FHIT: variants seen among roughly 807,000 people sequenced by gnomAD.
FHIT encodes the protein fragile histidine triad diadenosine triphosphatase.
In FHIT, 19 loss-of-function variants were observed where a neutral mutation model predicts 17.9. That is an observed-to-expected ratio of 1.06 (90% CI 0.74 to 1.56). The LOEUF is 1.56. Ranked by LOEUF, FHIT falls within the 40% of genes most tolerant of loss-of-function variation. The pLI is 0.00. For synonymous variants in FHIT, 81 were observed against 69.7 expected (o/e 1.16, Z -0.81); for missense variants, 248 against 189.2 (o/e 1.31, Z -1.82).
intron 3 of FHIT, among the ~76,000 whole-genome samples, chr3:60,873,487 C>T (rs782450715): frequency 1.3e-5 from 2 of 152,162 alleles, no homozygotes; most frequent in African/African-American, 2.4e-5. Context: ...TTTGTGTGTT[C>T]TCCCGACAAA....
chr3:60,406,755 G>T (rs570220908), intron 5 of FHIT, among the ~76,000 whole-genome samples: 3 of 152,156 alleles, frequency 2.0e-5, no homozygotes, highest in African/African-American at 7.2e-5. Context: ...TGAATTTTTG[G>T]TAATAGTATC....
At chr3:60,158,811 G>A (rs1274003279) in intron 5 of FHIT, among the ~76,000 whole-genome samples, 1 of 152,050 alleles carries the variant, frequency 6.6e-6, no homozygotes, top group African/African-American at 2.4e-5. Flanking sequence ...AGCACCCTAT[G>A]CAGAATGAAT....
At chr3:60,465,038 A>G (rs777094126) in intron 5 of FHIT, among the ~76,000 whole-genome samples, 16 of 152,032 alleles carry the variant, frequency 1.1e-4, no homozygotes, top group Non-Finnish European at 1.5e-5. Context: ...TGTCTTTTGC[A>G]TATCTTTTCA....
intron 4 of FHIT, among the ~76,000 whole-genome samples, chr3:60,806,978 A>C: frequency 6.6e-6 from 1 of 152,312 alleles, no homozygotes; most frequent in South Asian, 2.1e-4. Flanking sequence ...CACCTCCACC[A>C]TGACTTACCA....
intron 5 of FHIT, among the ~76,000 whole-genome samples, chr3:60,200,406 T>C (rs1371770470): frequency 6.6e-6 from 1 of 152,184 alleles, no homozygotes; most frequent in East Asian, 1.9e-4. Flanking sequence ...CTACAATTTC[T>C]AGTGGGTCAC....
chr3:60,090,157 G>A (rs752880830), intron 5 of FHIT, among the ~76,000 whole-genome samples: 17 of 151,858 alleles, frequency 1.1e-4, no homozygotes, highest in Non-Finnish European at 2.4e-4. Flanking sequence ...GTACATCAAT[G>A]GTCTACATGA....
At chr3:60,280,537 C>G (rs1227810565) in intron 5 of FHIT, among the ~76,000 whole-genome samples, 1 of 152,020 alleles carries the variant, frequency 6.6e-6, no homozygotes, top group African/African-American at 2.4e-5. Context: ...ATCAAGAAGC[C>G]AGTGTGACCA....
chr3:60,073,458 T>C (rs75732877), intron 5 of FHIT, among the ~76,000 whole-genome samples: 2,575 of 152,230 alleles, frequency 0.017, 76 homozygotes, highest in African/African-American at 0.058. Context: ...AATCTTTCTT[T>C]AATGAATATA....
At chr3:60,983,990 A>T (rs1244862960) in intron 3 of FHIT, among the ~76,000 whole-genome samples, 4 of 152,234 alleles carry the variant, frequency 2.6e-5, no homozygotes, top group African/African-American at 9.6e-5. Flanking sequence ...AATGAAAATG[A>T]TGAATTTCAG....
chr3:61,231,346 T>A (rs2040095596), intron 1 of FHIT, among the ~76,000 whole-genome samples: 1 of 152,026 alleles, frequency 6.6e-6, no homozygotes, highest in East Asian at 1.9e-4. Flanking sequence ...TTAAAAAAAA[T>A]TGCTAGGTGT....
At chr3:60,985,600 C>A (rs1377463251) in intron 3 of FHIT, among the ~76,000 whole-genome samples, 1 of 152,200 alleles carries the variant, frequency 6.6e-6, no homozygotes, top group Non-Finnish European at 1.5e-5. Context: ...TGAATTCTAA[C>A]AGCAGCCCTC....
intron 8 of FHIT, among the ~76,000 whole-genome samples, chr3:59,859,314 T>C (rs1330890530): frequency 6.6e-6 from 1 of 152,166 alleles, no homozygotes; most frequent in South Asian, 2.1e-4. Context: ...AATACATGAC[T>C]TGAGTCTAAT....
chr3:61,131,843 T>C (rs1393274393), intron 2 of FHIT, among the ~76,000 whole-genome samples: 3 of 152,194 alleles, frequency 2.0e-5, no homozygotes, highest in African/African-American at 7.2e-5. Flanking sequence ...CTTCCTTCCT[T>C]GGTGTCAGAA....
intron 4 of FHIT, among the ~76,000 whole-genome samples, chr3:60,643,109 G>A (rs1351327680): frequency 6.6e-6 from 1 of 152,040 alleles, no homozygotes; most frequent in Non-Finnish European, 1.5e-5. Flanking sequence ...ATATAATCTG[G>A]CTCATAGTAG....
chr3:60,100,263 A>T (rs899469142), intron 5 of FHIT, among the ~76,000 whole-genome samples: 10 of 152,162 alleles, frequency 6.6e-5, no homozygotes, highest in African/African-American at 2.2e-4. Flanking sequence ...GGACGCCTGT[A>T]GTCCCAGCTA....
intron 2 of FHIT, among the ~76,000 whole-genome samples, chr3:61,057,265 C>G (rs140114867): frequency 2.0e-5 from 3 of 152,292 alleles, no homozygotes; most frequent in East Asian, 3.9e-4. Flanking sequence ...AAGAACCACA[C>G]AAAGAAATTC....
intron 7 of FHIT, among the ~76,000 whole-genome samples, chr3:59,984,253 G>A (rs974594208): frequency 4.6e-5 from 7 of 152,078 alleles, no homozygotes; most frequent in Non-Finnish European, 8.8e-5. Context: ...AGGAATCTGA[G>A]TACAAATGGA....
chr3:60,401,267 T>G (rs1701646455), intron 5 of FHIT, among the ~76,000 whole-genome samples: 1 of 152,170 alleles, frequency 6.6e-6, no homozygotes, highest in Non-Finnish European at 1.5e-5. Flanking sequence ...CCAAAGTGGT[T>G]TCATGCTCAT....
intron 8 of FHIT, among the ~76,000 whole-genome samples, chr3:59,805,118 C>T (rs545046133): frequency 2.0e-5 from 3 of 152,130 alleles, no homozygotes; most frequent in Admixed American, 6.5e-5. Flanking sequence ...GTATGGGGCA[C>T]GGAATAAGAA....
Sources: gnomAD v4.1 joint callset for allele counts (sites outside exome capture counted in the v4.1 genomes callset) on GRCh38, gnomAD v4.1.1 for gene constraint, MANE v1.5 for transcripts, NCBI Gene and HGNC (gene_info 2026-07-23, HGNC 2026-07-21) for gene names.